GLT1D1: variants seen among roughly 807,000 people sequenced by gnomAD.
GLT1D1 encodes the protein glycosyltransferase 1 domain-containing protein 1.
In GLT1D1, 21 loss-of-function variants were observed where a neutral mutation model predicts 28.7. The ratio of observed to expected loss-of-function variants is 0.73; its 90% confidence interval spans 0.52 to 1.05. GLT1D1 has a LOEUF of 1.05. GLT1D1 is among the 50% of genes least tolerant of loss of function. The probability of loss-of-function intolerance (pLI) is 0.00; values close to 1 mark genes in which losing one functional copy is unlikely to be tolerated. For missense variants in GLT1D1, 343 were observed against 330.6 expected, an observed-to-expected ratio of 1.04 and a Z score of -0.29; for synonymous variants, 147 against 124.8, an observed-to-expected ratio of 1.18 and a Z score of -1.19.
At chr12:128,951,089 C>T (rs1478651019) in intron 6 of GLT1D1, among the ~76,000 whole-genome samples, 2 of 152,106 alleles carry the variant, frequency 1.3e-5, no homozygotes, top group Non-Finnish European at 2.9e-5. Context: ...AGCCATCCCA[C>T]GGGGTAGATG....
At chr12:128,978,933 C>T (rs1037403107) in intron 7 of GLT1D1, among the ~76,000 whole-genome samples, 2 of 152,140 alleles carry the variant, frequency 1.3e-5, no homozygotes, top group Non-Finnish European at 2.9e-5. Context: ...AGGTCATGCT[C>T]ATCGTCCTCT....
At chr12:128,979,581 C>T (rs572932796) in intron 7 of GLT1D1, among the ~76,000 whole-genome samples, 1 of 152,274 alleles carries the variant, frequency 6.6e-6, no homozygotes, top group African/African-American at 2.4e-5. Context: ...CAGTGAAACC[C>T]CGTCTCCAGA....
chr12:128,912,054 T>A (rs1871592833), intron 4 of GLT1D1, among the ~76,000 whole-genome samples: 1 of 152,084 alleles, frequency 6.6e-6, no homozygotes, highest in South Asian at 2.1e-4. Flanking sequence ...AACCTCCACC[T>A]CCACGCAGGG....
Position 128,914,924 on chromosome 12 carries a change from T to C in GLT1D1, c.375+15637T>C, listed in dbSNP as rs1369327418. The C allele has an allele frequency of 1.3e-6, 2 of 1,535,864 alleles. No homozygotes were observed. Among genetic ancestry groups the C allele is most frequent in the South Asian group, 2.4e-5 (2 of 84,052 alleles). On this transcript the variant is annotated intron_variant, in intron 4 of 7. Coordinates refer to ENST00000281703, the MANE Select transcript of GLT1D1 (RefSeq NM_144669.3). ...GTGAACTTGCCCTTTTTTTGTTTCT[T>C]TGACCCAGGAATTGCAACAACACCA...
intron 4 of GLT1D1, among the ~76,000 whole-genome samples, chr12:128,901,454 T>G (rs1338642460): frequency 7.1e-6 from 1 of 141,610 alleles, no homozygotes; most frequent in African/African-American, 2.7e-5. Flanking sequence ...TTTTTTTTTC[T>G]GAGATGGAGT....
intron 2 of GLT1D1, among the ~76,000 whole-genome samples, chr12:128,888,060 A>G (rs111694093): frequency 1.2e-3 from 180 of 152,222 alleles, no homozygotes; most frequent in African/African-American, 3.9e-3. Context: ...CGGAATATAC[A>G]TACTCCCTTT....
intron 5 of GLT1D1, among the ~76,000 whole-genome samples, chr12:128,947,062 C>T (rs745793829): frequency 6.6e-6 from 1 of 152,114 alleles, no homozygotes; most frequent in Non-Finnish European, 1.5e-5. Context: ...ATGGCATGAA[C>T]CTTGTCTCTG....
chr12:128,936,568 T>G (rs1043749362), intron 4 of GLT1D1, among the ~76,000 whole-genome samples: 2 of 152,220 alleles, frequency 1.3e-5, no homozygotes, highest in Non-Finnish European at 2.9e-5. Context: ...TTCTTTGATC[T>G]CTTAGCTCAA....
At chr12:128,924,452 A>G (rs986418210) in intron 4 of GLT1D1, among the ~76,000 whole-genome samples, 2 of 151,590 alleles carry the variant, frequency 1.3e-5, no homozygotes, top group African/African-American at 4.8e-5. Context: ...AAAAAAGAAA[A>G]AGCCTCTTTT....
At chr12:128,965,710 TAAAAAA>T (rs757636287) in intron 7 of GLT1D1, among the ~76,000 whole-genome samples, 11 of 104,708 alleles carry the variant, frequency 1.1e-4, no homozygotes, top group East Asian at 9.7e-4. Context: ...TGTCTCTGCT[TAAAAAA>T]AAAAAAAAAA....
At chr12:128,947,692 A>T (rs750223398) in intron 6 of GLT1D1, among the ~76,000 whole-genome samples, 14 of 152,340 alleles carry the variant, frequency 9.2e-5, no homozygotes, top group Middle Eastern at 3.4e-3. Flanking sequence ...TGTAAAATAA[A>T]ACTGGGATAG....
chr12:128,909,470 AT>A (rs1189155437), intron 4 of GLT1D1, among the ~76,000 whole-genome samples: 1 of 152,150 alleles, frequency 6.6e-6, no homozygotes, highest in Admixed American at 6.6e-5. Context: ...ATGGGCCATC[AT>A]TTCTTTTAAG....
At chr12:128,934,877 G>A (rs1201542911) in intron 4 of GLT1D1, among the ~76,000 whole-genome samples, 1 of 151,842 alleles carries the variant, frequency 6.6e-6, no homozygotes, top group Non-Finnish European at 1.5e-5. Flanking sequence ...TCCAGGACAG[G>A]GTCCTGGAAG....
At chr12:128,877,925 C>T (rs753449733) in intron 2 of GLT1D1, among the ~76,000 whole-genome samples, 29 of 152,272 alleles carry the variant, frequency 1.9e-4, no homozygotes, top group African/African-American at 5.8e-4. Flanking sequence ...CTCACAAGGC[C>T]GTTGGTGGGA....
chr12:128,958,847 T>A (rs1877592400), intron 7 of GLT1D1, among the ~76,000 whole-genome samples: 1 of 144,522 alleles, frequency 6.9e-6, no homozygotes, highest in East Asian at 2.0e-4. Flanking sequence ...TTTTTTTTTT[T>A]TTTTTTATGA....
chr12:128,883,432 A>C (rs1196626613), intron 2 of GLT1D1, among the ~76,000 whole-genome samples: 1 of 151,340 alleles, frequency 6.6e-6, no homozygotes, highest in Non-Finnish European at 1.5e-5. Context: ...TCTACTAAAA[A>C]TACAAAAATT....
At chr12:128,938,271 C>A (rs1874766627) in intron 4 of GLT1D1, among the ~76,000 whole-genome samples, 1 of 152,158 alleles carries the variant, frequency 6.6e-6, no homozygotes, top group Admixed American at 6.5e-5. Flanking sequence ...ATATGTTCTG[C>A]ACAGAGTAGG....
intron 6 of GLT1D1, among the ~76,000 whole-genome samples, chr12:128,948,864 G>GA (rs899859247): frequency 5.3e-5 from 8 of 151,732 alleles, no homozygotes; most frequent in South Asian, 2.1e-4. Context: ...ATTTATAAAA[G>GA]AAAAAAAAGA....
chr12:128,939,444 G>A (rs1438052075), intron 4 of GLT1D1, among the ~76,000 whole-genome samples: 5 of 151,178 alleles, frequency 3.3e-5, no homozygotes, highest in East Asian at 3.9e-4. Flanking sequence ...AAGCTCAGCC[G>A]GGCACAGTGG....
Sources: gnomAD v4.1 joint callset for allele counts (sites outside exome capture counted in the v4.1 genomes callset) on GRCh38, gnomAD v4.1.1 for gene constraint, MANE v1.5 for transcripts, NCBI Gene and HGNC (gene_info 2026-07-23, HGNC 2026-07-21) for gene names.